TBC1D14: variants seen among roughly 807,000 people sequenced by gnomAD.
TBC1D14 encodes the protein TBC1 domain family, member 14.
TBC1D14 carries 26 observed loss-of-function variants against 79.0 expected under a neutral mutation model. The ratio of observed to expected loss-of-function variants is 0.33; its 90% CI spans 0.24 to 0.46. The LOEUF is 0.46. Among genes scored for constraint, TBC1D14 ranks in the 20% least tolerant of loss-of-function variants. The pLI is 1.00. For synonymous variants in TBC1D14, 394 were observed against 349.9 expected (o/e 1.13, Z -1.40); for missense variants, 769 against 887.6 (o/e 0.87, Z 1.70).
chr4:7,009,120 C>G (rs1408199063), intron 9 of TBC1D14, among the ~76,000 whole-genome samples: 36 of 152,214 alleles, frequency 2.4e-4, no homozygotes, highest in Admixed American at 2.2e-3. Flanking sequence ...GACTTCTTAT[C>G]TCTCACCATG....
intron 2 of TBC1D14, among the ~76,000 whole-genome samples, chr4:6,961,022 C>G (rs1715144637): frequency 6.6e-6 from 1 of 152,194 alleles, no homozygotes; most frequent in Admixed American, 6.5e-5. Flanking sequence ...GTCCTGGGGT[C>G]TGGCACTCGA....
intron 3 of TBC1D14, among the ~76,000 whole-genome samples, chr4:6,976,664 T>G (rs1716738931): frequency 6.6e-6 from 1 of 152,188 alleles, no homozygotes. Context: ...AAGAAGTTGT[T>G]CAGATAGAAG....
chr4:7,001,405 G>T, intron 7 of TBC1D14, 154 bp downstream of exon 7: 1 of 652,244 alleles, frequency 1.5e-6, no homozygotes, highest in Admixed American at 2.8e-5. Flanking sequence ...AGGGGCAGTT[G>T]GGAGGCCTGG....
At chr4:6,933,005 G>A (rs185941210) in intron 2 of TBC1D14, among the ~76,000 whole-genome samples, 335 of 152,188 alleles carry the variant, frequency 2.2e-3, no homozygotes, top group South Asian at 7.7e-3. Context: ...TGTTGGCAGA[G>A]CTCGTTGTGG....
chr4:6,956,206 C>G (rs1318205966), intron 2 of TBC1D14, among the ~76,000 whole-genome samples: 1 of 152,108 alleles, frequency 6.6e-6, no homozygotes, highest in Non-Finnish European at 1.5e-5. Flanking sequence ...AGCTCCAAGG[C>G]CCTCCAAACC....
intron 6 of TBC1D14, 94 bp downstream of exon 6, chr4:6,999,296 C>A: frequency 9.1e-7 from 1 of 1,099,866 alleles, no homozygotes; most frequent in Non-Finnish European, 1.4e-6. Flanking sequence ...GCAGTGACAC[C>A]CTGGATGCAG....
rs997817454 is a variant in TBC1D14, at chr4:7,025,330, C to T, written c.2016+68C>T. On this transcript the variant is annotated intron_variant, in intron 13 of 13. Transcript: ENST00000409757. ...CAAGTGGCGCGACTCAGGAAGGCCC[C>T]TACGTAAAGTGCTGTCTGAGGACGT... is the stretch of plus-strand genomic sequence containing the variant. 21 of 1,592,070 alleles carry T rather than the reference C, an allele frequency of 1.3e-5. No individual in the cohort carries two copies. In the African/African-American group the frequency reaches 2.0e-4, roughly 15 times the overall value.
chr4:6,953,046 G>A (rs1480623377), intron 2 of TBC1D14, among the ~76,000 whole-genome samples: 2 of 118,212 alleles, frequency 1.7e-5, no homozygotes, highest in East Asian at 5.1e-4. Context: ...TTTTTTCTGA[G>A]ACAGAGCCTC....
At chr4:6,934,740 T>C (rs942641239) in intron 2 of TBC1D14, among the ~76,000 whole-genome samples, 1 of 152,096 alleles carries the variant, frequency 6.6e-6, no homozygotes, top group African/African-American at 2.4e-5. Context: ...CAGAGCTGTT[T>C]TCGTGAAGTG....
chr4:7,019,114 C>G (rs549440709), intron 12 of TBC1D14, among the ~76,000 whole-genome samples: 1 of 152,146 alleles, frequency 6.6e-6, no homozygotes. Flanking sequence ...CTCCGCCTCC[C>G]GGATTCACGC....
intron 2 of TBC1D14, among the ~76,000 whole-genome samples, chr4:6,924,700 C>T (rs367835098): frequency 8.3e-4 from 126 of 152,300 alleles, no homozygotes; most frequent in African/African-American, 3.0e-3. Flanking sequence ...GGGGCCTTGT[C>T]ACCTGAGTGC....
intron 2 of TBC1D14, among the ~76,000 whole-genome samples, chr4:6,963,224 G>T (rs1399662700): frequency 6.6e-6 from 1 of 152,270 alleles, no homozygotes; most frequent in Non-Finnish European, 1.5e-5. Context: ...AAAAGAGGAA[G>T]CTTGGAGCCA....
intron 12 of TBC1D14, 54 bp from the exon 13 acceptor site, chr4:7,024,946 GTTCT>G (rs1722198119): frequency 3.8e-6 from 6 of 1,595,924 alleles, no homozygotes; most frequent in Admixed American, 3.4e-5. Flanking sequence ...GGAATTCACT[GTTCT>G]TTCTTTGTTA....
At chr4:6,979,653 T>C (rs1717183774) in intron 3 of TBC1D14, among the ~76,000 whole-genome samples, 1 of 152,122 alleles carries the variant, frequency 6.6e-6, no homozygotes, top group Non-Finnish European at 1.5e-5. Flanking sequence ...CAACTATGTA[T>C]ATGTTGTCTG....
chr4:6,955,959 T>G (rs565585341), intron 2 of TBC1D14, among the ~76,000 whole-genome samples: 107 of 152,278 alleles, frequency 7.0e-4, no homozygotes, highest in African/African-American at 2.5e-3. Flanking sequence ...AGTGCAATAA[T>G]AATTCTCATG....
chr4:6,971,216 A>C (rs577554517), intron 3 of TBC1D14, among the ~76,000 whole-genome samples: 1 of 152,372 alleles, frequency 6.6e-6, no homozygotes, highest in South Asian at 2.1e-4. Flanking sequence ...CAGTTTCCTC[A>C]TCTGCTAAAC....
chr4:6,993,114 A>G lies in TBC1D14; in HGVS notation c.844-1070A>G, dbSNP rs77529645. 7.8e-3 allele frequency among the ~76,000 whole-genome samples: 1,195 copies of G among 152,336 alleles called. 12 individuals are homozygous for G. Among genetic ancestry groups the G allele is most frequent in the Non-Finnish European group, 0.013 (874 of 68,038 alleles). On this transcript the variant is annotated intron_variant, in intron 3 of 13. Transcript: ENST00000409757. Reference sequence around the variant, plus strand: ...TTGACAGCTAGTTTCCCTGAAATTCATTTAGCAATTTCTCACCACCTCATG... The same window carrying G: ...TTGACAGCTAGTTTCCCTGAAATTCGTTTAGCAATTTCTCACCACCTCATG...
At chr4:7,003,837 A>C (rs1199511123) in intron 7 of TBC1D14, among the ~76,000 whole-genome samples, 1 of 152,032 alleles carries the variant, frequency 6.6e-6, no homozygotes, top group African/African-American at 2.4e-5. Context: ...TCCCATCTCT[A>C]CTAAAAAAAA....
intron 12 of TBC1D14, among the ~76,000 whole-genome samples, chr4:7,023,357 A>G (rs1024632676): frequency 1.3e-5 from 2 of 152,192 alleles, no homozygotes; most frequent in African/African-American, 4.8e-5. Context: ...TCTGATTTCC[A>G]TGTGTGAGTG....
Sources: gnomAD v4.1 joint callset for allele counts (sites outside exome capture counted in the v4.1 genomes callset) on GRCh38, gnomAD v4.1.1 for gene constraint, MANE v1.5 for transcripts, NCBI Gene and HGNC (gene_info 2026-07-23, HGNC 2026-07-21) for gene names.